Variants in ARID1B observed in about 807,000 individuals in gnomAD.
ARID1B encodes the protein AT-rich interaction domain 1B, also known as AT-rich interactive domain-containing protein 1B.
A neutral mutation model predicts 212.3 loss-of-function variants in ARID1B; 30 were observed. The observed-to-expected ratio is 0.14, with a 90% CI of 0.11 to 0.19. The LOEUF (loss-of-function observed/expected upper bound fraction) is 0.19. Ranked by LOEUF, ARID1B falls within the 10% of genes least tolerant of loss-of-function variation. ARID1B has a pLI of 1.00. For synonymous variants in ARID1B, 1,402 were observed against 1,301.7 expected (o/e 1.08, Z -1.66); for missense variants, 2,891 against 3,204.0 (o/e 0.90, Z 2.36).
intron 4 of ARID1B, among the ~76,000 whole-genome samples, chr6:157,032,445 T>C (rs528383030): frequency 6.6e-5 from 10 of 152,340 alleles, no homozygotes; most frequent in Admixed American, 5.2e-4. Flanking sequence ...AGATAGCTCT[T>C]TCTAGCGGCT....
intron 3 of ARID1B, among the ~76,000 whole-genome samples, chr6:156,927,762 T>A (rs1016888679): frequency 4.6e-5 from 7 of 152,246 alleles, no homozygotes; most frequent in African/African-American, 1.7e-4. Context: ...TTGCTGTGTC[T>A]AATTCTAAGT....
At chr6:157,174,488 T>C (rs1486154224) in intron 10 of ARID1B, among the ~76,000 whole-genome samples, 1 of 151,980 alleles carries the variant, frequency 6.6e-6, no homozygotes, top group Non-Finnish European at 1.5e-5. Flanking sequence ...AACAACATAC[T>C]TAATATTTTG....
At chr6:156,988,362 A>G (rs1040389482) in intron 4 of ARID1B, among the ~76,000 whole-genome samples, 2 of 152,166 alleles carry the variant, frequency 1.3e-5, no homozygotes, top group Non-Finnish European at 2.9e-5. Context: ...TACTGTCTTC[A>G]TTCATGCATG....
chr6:156,995,694 G>T lies in ARID1B; in HGVS notation c.2247+60118G>T, dbSNP rs767580107. Reference sequence around the variant, plus strand: ...GTGCCCAAATATTCAATTATCGTCAGTGCTGTACCAGCTGCTATTAAGCTA... The same window carrying T: ...GTGCCCAAATATTCAATTATCGTCATTGCTGTACCAGCTGCTATTAAGCTA... On this transcript the variant is annotated intron_variant, in intron 4 of 19. Transcript: ENST00000636930. Among the ~76,000 whole-genome samples, 4 of 152,326 alleles carry T rather than the reference G, an allele frequency of 2.6e-5. No homozygotes were observed. In the East Asian group the frequency reaches 7.7e-4, roughly 29 times the overall value.
rs1794699824 is a variant in ARID1B, at chr6:157,210,437, G to A, written c.*2546G>A. On this transcript the variant is annotated 3_prime_UTR_variant, in exon 20 of 20. Coordinates refer to ENST00000636930, the MANE Select transcript of ARID1B (RefSeq NM_001374828.1). ...TGTTGTTATGGTTTGCATTGTAACC[G>A]ATACGCAGAGTCTGACCGTTGGGCA... 3 of 231,064 alleles carry A rather than the reference G, an allele frequency of 1.3e-5. No homozygotes were observed. The highest frequency in any genetic ancestry group is 6.1e-5 in the East Asian group (1 of 16,320). The allele number at this position is 231,064 out of a possible 1,614,324, so 14.3% of individuals were successfully genotyped here. A position where few individuals can be genotyped will look rare whatever the true frequency, so the allele number is the denominator to read the frequency against.
intron 4 of ARID1B, among the ~76,000 whole-genome samples, chr6:157,052,455 C>T (rs1408721532): frequency 6.6e-6 from 1 of 152,174 alleles, no homozygotes; most frequent in South Asian, 2.1e-4. Flanking sequence ...ATAATTGGCA[C>T]CTTTATTTGC....
At chr6:157,103,042 T>C (rs1786185629) in intron 5 of ARID1B, among the ~76,000 whole-genome samples, 1 of 152,226 alleles carries the variant, frequency 6.6e-6, no homozygotes. Context: ...CTGTGGCTAC[T>C]TTTGAACTAC....
intron 5 of ARID1B, chr6:157,107,620 A>G (rs968700161): frequency 2.0e-5 from 3 of 152,108 alleles, no homozygotes; most frequent in African/African-American, 7.2e-5. Flanking sequence ...GATGGAACTT[A>G]CTCTAATTCA....
At chr6:156,948,402 G>C (rs955732716) in intron 4 of ARID1B, among the ~76,000 whole-genome samples, 2 of 151,956 alleles carry the variant, frequency 1.3e-5, no homozygotes, top group African/African-American at 4.8e-5. Context: ...TTATAGAGAT[G>C]GGGGGGCAGT....
rs541804797 is a variant in ARID1B, at chr6:157,104,292, C to T, written c.2492-6180C>T. Among the ~76,000 whole-genome samples the T allele has an allele frequency of 2.2e-4, 33 of 152,298 alleles. No homozygotes were observed. The South Asian group carries it at 6.8e-3, about 32-fold the overall frequency. On this transcript the variant is annotated intron_variant, in intron 5 of 19. Transcript: ENST00000636930. ...TGGTAAAATGTATATGCTTTAGTTTCACTTATGGACTAGGGAAGCTCTAGA... is the reference window on the plus strand; with the variant it reads ...TGGTAAAATGTATATGCTTTAGTTTTACTTATGGACTAGGGAAGCTCTAGA...
At chr6:157,175,940 T>C (rs1792071442) in intron 11 of ARID1B, 1 of 151,870 alleles carries the variant, frequency 6.6e-6, no homozygotes. Context: ...GGCGATGTAT[T>C]GACGAGCACG....
intron 3 of ARID1B, among the ~76,000 whole-genome samples, chr6:156,907,234 C>T (rs1423058192): frequency 6.6e-6 from 1 of 152,040 alleles, no homozygotes; most frequent in Non-Finnish European, 1.5e-5. Flanking sequence ...TCTCTTTTCC[C>T]TTTCTTTTTG....
rs1433903078 is a variant in ARID1B at position 157,206,553 on chromosome 6, C to T, written c.5781C>T (p.Asp1927=). The T allele has an allele frequency of 6.2e-7, 1 of 1,614,156 alleles. No homozygotes were observed. The change falls in exon 20 of 20, where the codon GAC becomes GAT. Residue 1927 remains aspartate, a synonymous_variant. Transcript: ENST00000636930. This position sits in a 1 kb window ranked among gnomAD's most constrained non-coding sequence, Gnocchi z 6.8. ...ACCTGTTTGTTGTTGACCGATCTGA[C>T]AAGTTGGGGCGTGTGCAGGAGTTCA... The part of the protein sequence containing the change: ...KNNLFVVDRS[D]KLGRVQEFNS...
chr6:157,197,291 TC>T (rs1793794170), intron 16 of ARID1B, among the ~76,000 whole-genome samples: 1 of 152,236 alleles, frequency 6.6e-6, no homozygotes. Flanking sequence ...GGAGCTGACT[TC>T]GGGATCGCGG....
chr6:156,779,640 C>A, intron 1 of ARID1B, 169 bp downstream of exon 1: 1 of 592,354 alleles, frequency 1.7e-6, no homozygotes, highest in Non-Finnish European at 2.2e-6. Context: ...GGTCGGGGCG[C>A]CCCGGGGGCC....
chr6:156,973,311 A>G (rs1359804666), intron 4 of ARID1B, among the ~76,000 whole-genome samples: 2 of 152,204 alleles, frequency 1.3e-5, no homozygotes. Flanking sequence ...AGTTCTTTAG[A>G]ACTGTGCTGG....
intron 2 of ARID1B, among the ~76,000 whole-genome samples, chr6:156,891,146 G>T (rs778246567): frequency 3.9e-5 from 6 of 152,134 alleles, no homozygotes; most frequent in Non-Finnish European, 8.8e-5. Context: ...GTTCAACCAC[G>T]CATCAGCTTA....
At chr6:156,815,228 A>G (rs1226494973) in intron 1 of ARID1B, among the ~76,000 whole-genome samples, 2 of 152,176 alleles carry the variant, frequency 1.3e-5, no homozygotes, top group Non-Finnish European at 2.9e-5. Context: ...CTTGATATAG[A>G]CATATCCAGA....
At chr6:157,129,515 A>G (rs568363574) in intron 6 of ARID1B, among the ~76,000 whole-genome samples, 1 of 152,370 alleles carries the variant, frequency 6.6e-6, no homozygotes, top group South Asian at 2.1e-4. Flanking sequence ...TGCCATTGCA[A>G]AAGTAAATAA....
Sources: gnomAD v4.1 joint callset for allele counts (sites outside exome capture counted in the v4.1 genomes callset) on GRCh38, gnomAD v4.1.1 for gene constraint, Gnocchi (gnomAD v3.1) non-coding constraint, MANE v1.5 for transcripts, NCBI Gene and HGNC (gene_info 2026-07-23, HGNC 2026-07-21) for gene names.